The following REG4 variants were observed in gnomAD, a reference collection of about 807,000 sequenced individuals.
REG4 encodes regenerating islet-derived protein 4.
Under a neutral mutation model 22.3 loss-of-function variants are expected in REG4, and 16 were observed. The ratio of observed to expected loss-of-function variants is 0.72; its 90% CI spans 0.49 to 1.09. REG4 has a LOEUF of 1.09. REG4 is among the 50% of genes least tolerant of loss of function. REG4 has a pLI of 0.00. For synonymous variants in REG4, 71 were observed against 69.2 expected, an observed-to-expected ratio of 1.03 and a Z score of -0.13; for missense variants, 214 against 193.9, an observed-to-expected ratio of 1.10 and a Z score of -0.61.
intron 1 of REG4, among the ~76,000 whole-genome samples, chr1:119,810,360 A>G (rs587767060): frequency 6.6e-6 from 1 of 152,326 alleles, no homozygotes; most frequent in African/African-American, 2.4e-5. Context: ...ATACTTTATG[A>G]TTAAAAAATC....
At chr1:119,799,945 G>A (rs1654048536) in intron 3 of REG4, 83 bp from the exon 4 acceptor site, 3 of 1,543,118 alleles carry the variant, frequency 1.9e-6, no homozygotes, top group Non-Finnish European at 2.6e-6. Context: ...GTGCCAAGAA[G>A]GAGGGACTCA....
intron 3 of REG4, chr1:119,802,206 G>T (rs1033004768): frequency 9.7e-6 from 4 of 411,616 alleles, no homozygotes; most frequent in East Asian, 1.6e-4. Context: ...GGGTTGCTGT[G>T]TCAGTTACTC....
chr1:119,800,542 A>G lies in REG4; in HGVS notation c.166-680T>C, dbSNP rs587695057. ...TAGTTTATGGATGGGGAGAGAGAGG[A>G]TCAGGAATGGGCAACTGGACACAGG... On this transcript the variant is annotated intron_variant, in intron 3 of 5. Coordinates refer to ENST00000256585, the MANE Select transcript of REG4 (RefSeq NM_032044.4). Among the ~76,000 whole-genome samples, 21 of 152,264 alleles carry G rather than the reference A, an allele frequency of 1.4e-4. 1 individual carries two copies. The highest frequency in any genetic ancestry group is 1.2e-3 in the Admixed American group (19 of 15,308).
In REG4 at chr1:119,807,741, T is replaced by C. The variant is rs182413388; in HGVS notation, c.67+962A>G. Among the ~76,000 whole-genome samples, 7 of 152,264 alleles carry C rather than the reference T, an allele frequency of 4.6e-5. No homozygotes were observed. In the East Asian group the frequency reaches 1.4e-3, roughly 29 times the overall value. On this transcript the variant is annotated intron_variant, in intron 2 of 5. Transcript: ENST00000256585. The stretch of plus-strand genomic sequence containing the variant: ...AGACAAAGAGCCATGAAAGACATAT[T>C]AGGGATAACTATGACCAGGACCGCA...
At chr1:119,805,091 C>T (rs1034285444) in intron 2 of REG4, among the ~76,000 whole-genome samples, 3 of 152,174 alleles carry the variant, frequency 2.0e-5, no homozygotes, top group Non-Finnish European at 4.4e-5. Context: ...CACCAACCCT[C>T]CCAACCTTTA....
At chr1:119,804,879 C>T (rs945826149) in intron 2 of REG4, among the ~76,000 whole-genome samples, 3 of 152,132 alleles carry the variant, frequency 2.0e-5, no homozygotes, top group Non-Finnish European at 2.9e-5. Flanking sequence ...CTCCCCTCCC[C>T]TTTCTGCCCC....
chr1:119,805,645 T>G (rs587690902), intron 2 of REG4, among the ~76,000 whole-genome samples: 2 of 152,216 alleles, frequency 1.3e-5, no homozygotes, highest in African/African-American at 4.8e-5. Context: ...AGTGCTGCTC[T>G]CTGTCTTACC....
Position 119,807,712 on chromosome 1 carries a change from T to C in REG4, c.67+991A>G, listed in dbSNP as rs1237943226. On this transcript the variant is annotated intron_variant, in intron 2 of 5. Coordinates refer to ENST00000256585, the MANE Select transcript of REG4 (RefSeq NM_032044.4). Reference sequence around the variant, plus strand: ...GATAGTTCAGTGAACTGGTGTAGGGTTGAAGACAAAGAGCCATGAAAGACA... The same window carrying C: ...GATAGTTCAGTGAACTGGTGTAGGGCTGAAGACAAAGAGCCATGAAAGACA... Among the ~76,000 whole-genome samples the C allele has an allele frequency of 4.6e-5, 7 of 152,120 alleles. No homozygotes were observed. In the East Asian group the frequency reaches 1.2e-3, roughly 25 times the overall value.
chr1:119,800,010 G>C, intron 3 of REG4, 148 bp from the exon 4 acceptor site: 1 of 1,016,872 alleles, frequency 9.8e-7, no homozygotes, highest in Non-Finnish European at 1.4e-6. Context: ...AAGGCTTCCT[G>C]CCACCCTGGG....
At chr1:119,800,087 T>A (rs1228113577) in intron 3 of REG4, among the ~76,000 whole-genome samples, 1 of 152,082 alleles carries the variant, frequency 6.6e-6, no homozygotes, top group Admixed American at 6.6e-5. Flanking sequence ...GGCAAGAGAT[T>A]TAGGGTCTGA....
intron 4 of REG4, 21 bp downstream of exon 4, chr1:119,799,704 T>G (rs1654040458): frequency 1.2e-6 from 2 of 1,608,372 alleles, no homozygotes; most frequent in Non-Finnish European, 1.7e-6. Flanking sequence ...AGAGGGCCTT[T>G]GTGGCCAAGT....
intron 2 of REG4, among the ~76,000 whole-genome samples, chr1:119,807,049 A>G (rs1269404940): frequency 6.6e-6 from 1 of 152,214 alleles, no homozygotes; most frequent in Non-Finnish European, 1.5e-5. Flanking sequence ...AATAGTTTTG[A>G]AAAGATAAGC....
At chr1:119,799,301 TA>T (rs919495275) in intron 4 of REG4, among the ~76,000 whole-genome samples, 10 of 151,376 alleles carry the variant, frequency 6.6e-5, no homozygotes, top group African/African-American at 2.2e-4. Context: ...AAGGATAACA[TA>T]AAAAAAATTA....
In REG4 at chr1:119,794,605, C is replaced by A; in HGVS notation, c.*13G>T. On this transcript the variant is annotated 3_prime_UTR_variant, in exon 6 of 6. Coordinates refer to ENST00000256585, the MANE Select transcript of REG4 (RefSeq NM_032044.4). ...GGGGCTGTGCAGGAGTTAGCAGAAT[C>A]TTGATTCTTGCTCTATGGTCGGTAC... 5 of 1,612,314 alleles carry A rather than the reference C, an allele frequency of 3.1e-6. No homozygotes were observed. The highest frequency in any genetic ancestry group is 4.2e-6 in the Non-Finnish European group (5 of 1,178,270).
At chr1:119,805,962 A>C in intron 2 of REG4, among the ~76,000 whole-genome samples, 1 of 150,760 alleles carries the variant, frequency 6.6e-6, no homozygotes, top group African/African-American at 2.4e-5. Context: ...GCACTACCCC[A>C]CTCCCATCGC....
intron 3 of REG4, chr1:119,802,502 A>G: frequency 9.6e-7 from 1 of 1,044,262 alleles, no homozygotes; most frequent in South Asian, 4.5e-5. Flanking sequence ...AGCAGCATCC[A>G]CTCCCCATAT....
intron 2 of REG4, among the ~76,000 whole-genome samples, chr1:119,807,021 C>A (rs1013175443): frequency 6.6e-6 from 1 of 152,032 alleles, no homozygotes; most frequent in Non-Finnish European, 1.5e-5. Context: ...CTATTAAAAC[C>A]CATCATCATT....
chr1:119,808,604 C>T (rs1654398215), intron 2 of REG4, 99 bp downstream of exon 2: 4 of 809,642 alleles, frequency 4.9e-6, no homozygotes, highest in Admixed American at 2.4e-5. Context: ...CTATTTCCTG[C>T]AGTTCCTAAA....
intron 2 of REG4, among the ~76,000 whole-genome samples, chr1:119,805,931 G>T (rs761669627): frequency 2.6e-5 from 4 of 152,004 alleles, no homozygotes; most frequent in Non-Finnish European, 2.9e-5. Flanking sequence ...CGGCCGCTCT[G>T]CTGCGCTATG....
Sources: allele counts gnomAD v4.1 joint callset (sites outside exome capture counted in the v4.1 genomes callset), GRCh38; gene constraint gnomAD v4.1.1; transcripts MANE v1.5; gene names NCBI Gene and HGNC (gene_info 2026-07-23, HGNC 2026-07-21).